The following SPEF2 variants were observed in gnomAD, a reference collection of about 807,000 sequenced individuals.
SPEF2 encodes sperm flagellar and cilia associated 2.
SPEF2 carries 187 observed loss-of-function variants against 224.6 expected under a neutral mutation model. The ratio of observed to expected loss-of-function variants is 0.83; its 90% CI spans 0.74 to 0.94. The LOEUF (loss-of-function observed/expected upper bound fraction) is 0.94, where lower values mean the gene tolerates loss of function less well. SPEF2 is among the 40% of genes least tolerant of loss of function. SPEF2 has a pLI of 0.00. For missense variants in SPEF2, 2,170 were observed against 2,135.6 expected (o/e 1.02, Z -0.32); for synonymous variants, 715 against 707.3 (o/e 1.01, Z -0.17).
At chr5:35,618,107 G>T (rs1742920161) in intron 1 of SPEF2, 52 bp downstream of exon 1, 4 of 1,542,912 alleles carry the variant, frequency 2.6e-6, no homozygotes, top group Non-Finnish European at 2.6e-6. Flanking sequence ...GGGGCGCAGA[G>T]CCTGCAGCGC....
chr5:35,768,880 C>G (rs543621154), intron 26 of SPEF2, among the ~76,000 whole-genome samples: 1 of 152,184 alleles, frequency 6.6e-6, no homozygotes, highest in South Asian at 2.1e-4. Context: ...TTAACACAGG[C>G]TTTTTTCTAC....
chr5:35,722,670 G>A (rs1445341292), intron 20 of SPEF2, among the ~76,000 whole-genome samples: 3 of 106,046 alleles, frequency 2.8e-5, no homozygotes, highest in African/African-American at 1.2e-4. Flanking sequence ...AGAGTGTGAC[G>A]TTCCCCTTCC....
chr5:35,657,898 A>G (rs1749170295), intron 7 of SPEF2, among the ~76,000 whole-genome samples: 1 of 152,126 alleles, frequency 6.6e-6, no homozygotes, highest in South Asian at 2.1e-4. Context: ...TCACTTCTTA[A>G]CTAGAAGACC....
chr5:35,714,274 T>C (rs1423877237), intron 20 of SPEF2, among the ~76,000 whole-genome samples: 1 of 151,364 alleles, frequency 6.6e-6, no homozygotes, highest in Non-Finnish European at 1.5e-5. Flanking sequence ...AAGAGAACCT[T>C]GCAAATATTT....
intron 2 of SPEF2, among the ~76,000 whole-genome samples, chr5:35,635,015 T>C (rs2149386108): frequency 6.6e-6 from 1 of 152,234 alleles, no homozygotes; most frequent in South Asian, 2.1e-4. Context: ...TTGACAGTTT[T>C]GAAGAATACT....
Position 35,710,058 on chromosome 5 carries a change from A to G in SPEF2, c.2839+937A>G. 4 of 981,624 alleles carry G rather than the reference A, an allele frequency of 4.1e-6. No individual in the cohort carries two copies. The South Asian group carries it at 1.9e-4, about 46-fold the overall frequency. The allele number at this position is 981,624 out of a possible 1,614,324, so 60.8% of individuals were successfully genotyped here. A position where few individuals can be genotyped will look rare whatever the true frequency, so the allele number is the denominator to read the frequency against. ...GAAGACTTTAGTAAGATATATTATG[A>G]TATATTAAAGACCATTCTGCTCCAG... On this transcript the variant is annotated intron_variant, in intron 19 of 36. Coordinates refer to ENST00000356031, the MANE Select transcript of SPEF2 (RefSeq NM_024867.4).
At chr5:35,714,394 CT>C (rs890340824) in intron 20 of SPEF2, among the ~76,000 whole-genome samples, 14 of 151,616 alleles carry the variant, frequency 9.2e-5, no homozygotes, top group African/African-American at 3.4e-4. Flanking sequence ...AATAAGTGAA[CT>C]TTTAAAAGCC....
At chr5:35,661,803 C>T (rs368100707) in intron 8 of SPEF2, among the ~76,000 whole-genome samples, 11 of 152,264 alleles carry the variant, frequency 7.2e-5, no homozygotes, top group African/African-American at 2.4e-4. Flanking sequence ...ATATATACCA[C>T]ATTTTCTTTA....
At chr5:35,705,117 T>A (rs1408509803) in intron 17 of SPEF2, among the ~76,000 whole-genome samples, 1 of 151,986 alleles carries the variant, frequency 6.6e-6, no homozygotes, top group Non-Finnish European at 1.5e-5. Context: ...CCCTGAAAAG[T>A]TTAACAATAT....
intron 20 of SPEF2, among the ~76,000 whole-genome samples, chr5:35,716,434 A>G (rs1390192949): frequency 6.6e-6 from 1 of 152,132 alleles, no homozygotes; most frequent in African/African-American, 2.4e-5. Context: ...AAAGACATGT[A>G]TATTAGGTAC....
chr5:35,799,630 G>A (rs1473668101), intron 33 of SPEF2, among the ~76,000 whole-genome samples: 1 of 152,062 alleles, frequency 6.6e-6, no homozygotes, highest in Non-Finnish European at 1.5e-5. Flanking sequence ...TTTGTCCGGA[G>A]AATGCTGAGG....
chr5:35,693,836 T>G (rs746633196), intron 12 of SPEF2, among the ~76,000 whole-genome samples: 4 of 152,190 alleles, frequency 2.6e-5, no homozygotes, highest in Admixed American at 2.0e-4. Context: ...TTCTTTATGG[T>G]GGGCTATCTC....
At position 35,739,908 on chromosome 5, in the gene SPEF2, C is replaced by G. The variant is rs773712308; in HGVS notation, c.3064-11C>G. ...TTGAAGTAACAGTTTCTACACTTTA[C>G]CATTTAACAGGAAATGCCTTTGTTT... On this transcript the variant is annotated splice_polypyrimidine_tract_variant and intron_variant, in intron 21 of 36. Transcript: ENST00000356031. The G allele has an allele frequency of 6.2e-6, 10 of 1,612,216 alleles. No homozygotes were observed. Among genetic ancestry groups the G allele is most frequent in the Non-Finnish European group, 8.5e-6 (10 of 1,179,598 alleles).
chr5:35,666,458 A>G (rs1016378628), intron 8 of SPEF2, among the ~76,000 whole-genome samples: 2 of 151,248 alleles, frequency 1.3e-5, no homozygotes, highest in Non-Finnish European at 2.9e-5. Flanking sequence ...TTCTACATAA[A>G]TAGATGTTCC....
At position 35,669,700 on chromosome 5, in the gene SPEF2, C is replaced by T. The variant is rs143675837; in HGVS notation, c.1356-359C>T. Among the ~76,000 whole-genome samples the T allele has an allele frequency of 7.2e-4, 110 of 152,048 alleles. 2 individuals are homozygous for T. In the East Asian group the frequency reaches 0.02, roughly 27 times the overall value. On this transcript the variant is annotated intron_variant, in intron 9 of 36. Coordinates refer to ENST00000356031, the MANE Select transcript of SPEF2 (RefSeq NM_024867.4). ...TATATCTAAAAATATTGAGTACAGT[C>T]AGAACACTTAGGTTCCTTAATTCTC...
At chr5:35,661,271 T>TAG (rs1412924353) in intron 8 of SPEF2, among the ~76,000 whole-genome samples, 9 of 28,192 alleles carry the variant, frequency 3.2e-4, no homozygotes, top group African/African-American at 1.6e-3. Flanking sequence ...TATATATATA[T>TAG]ATATATATAT....
chr5:35,670,916 A>C (rs1751148099), intron 10 of SPEF2: 2 of 985,264 alleles, frequency 2.0e-6, no homozygotes, highest in Admixed American at 1.2e-4. Context: ...CACTTAGCTG[A>C]GTGCACTTCA....
intron 30 of SPEF2, chr5:35,781,293 T>C (rs565027159): frequency 6.6e-6 from 1 of 152,340 alleles, no homozygotes; most frequent in East Asian, 1.9e-4. Flanking sequence ...ATGAATGTTA[T>C]TCAAGTGCTC....
chr5:35,778,366 G>A (rs1346212476), intron 29 of SPEF2, among the ~76,000 whole-genome samples: 2 of 152,156 alleles, frequency 1.3e-5, no homozygotes, highest in East Asian at 3.8e-4. Context: ...ATAAGATAGG[G>A]AGTGTTGCGT....
Sources: allele counts gnomAD v4.1 joint callset (sites outside exome capture counted in the v4.1 genomes callset), GRCh38; gene constraint gnomAD v4.1.1; transcripts MANE v1.5; gene names NCBI Gene and HGNC (gene_info 2026-07-23, HGNC 2026-07-21).